The following ITGB8 variants were observed in gnomAD, a reference collection of about 807,000 sequenced individuals.
The protein encoded by ITGB8 is integrin subunit beta 8, also known as integrin beta-8.
In ITGB8, 30 loss-of-function variants were observed where a neutral mutation model predicts 89.5. The ratio of observed to expected loss-of-function variants is 0.34; its 90% CI spans 0.25 to 0.45. The LOEUF is 0.45. ITGB8 is among the 20% of genes least tolerant of loss of function. The pLI is 1.00. For synonymous variants in ITGB8, 335 were observed against 320.4 expected (o/e 1.05, Z -0.49); for missense variants, 836 against 933.3 (o/e 0.90, Z 1.36).
rs1784399704 is a variant in ITGB8 at position 20,331,665 on chromosome 7, C to G, written c.-142C>G. The G allele has an allele frequency of 3.8e-6, 4 of 1,046,384 alleles. No individual in the cohort carries two copies. Among genetic ancestry groups the G allele is most frequent in the African/African-American group, 1.7e-5 (1 of 58,952 alleles). The allele number at this position is 1,046,384 out of a possible 1,614,324, so 64.8% of individuals were successfully genotyped here. A position where few individuals can be genotyped will look rare whatever the true frequency, so the allele number is the denominator to read the frequency against. On this transcript the variant is annotated 5_prime_UTR_variant, in exon 1 of 14. Coordinates refer to ENST00000222573, the MANE Select transcript of ITGB8 (RefSeq NM_002214.3). ...GCCCGCTTACCTGCACCGCTTGCTC[C>G]GAGCCGCGGGGTCCGCCTGCTAGGC...
At chr7:20,347,383 T>C (rs1562655590) in intron 1 of ITGB8, among the ~76,000 whole-genome samples, 1 of 152,140 alleles carries the variant, frequency 6.6e-6, no homozygotes, top group African/African-American at 2.4e-5. Flanking sequence ...TAGTGGTAAA[T>C]GGTGTTTGTA....
At chr7:20,379,535 C>CA (rs1303178209) in intron 4 of ITGB8, 12 of 164,580 alleles carry the variant, frequency 7.3e-5, no homozygotes, top group Non-Finnish European at 1.2e-4. Context: ...CCAAAAAAAA[C>CA]AAAAAAACAA....
chr7:20,406,380 G>T (rs183009213), intron 12 of ITGB8, among the ~76,000 whole-genome samples: 1 of 152,042 alleles, frequency 6.6e-6, no homozygotes, highest in Non-Finnish European at 1.5e-5. Context: ...GTGAAACCCC[G>T]TCTCTACTAA....
chr7:20,363,864 T>C (rs1280159207), intron 2 of ITGB8, 142 bp downstream of exon 2: 3 of 456,486 alleles, frequency 6.6e-6, no homozygotes, highest in Non-Finnish European at 1.2e-5. Context: ...TTTGGTTTTA[T>C]GCTTGGAAAC....
chr7:20,340,042 A>C (rs1784703502), intron 1 of ITGB8, among the ~76,000 whole-genome samples: 2 of 152,204 alleles, frequency 1.3e-5, no homozygotes. Flanking sequence ...ATAAAATAAA[A>C]TATAAAAGTT....
chr7:20,409,433 G>A (rs781575599), intron 12 of ITGB8, among the ~76,000 whole-genome samples, 182 bp from the exon 13 acceptor site: 4 of 152,154 alleles, frequency 2.6e-5, no homozygotes, highest in Admixed American at 1.3e-4. Context: ...CATAGTAAAC[G>A]CGCAAGAAAA....
chr7:20,395,664 C>T (rs904888540), intron 8 of ITGB8, among the ~76,000 whole-genome samples: 4 of 152,188 alleles, frequency 2.6e-5, no homozygotes, highest in Admixed American at 6.5e-5. Context: ...ATAGTGACTG[C>T]TACTTTTTTA....
Position 20,413,575 on chromosome 7 carries a change from C to T in ITGB8, c.*3578C>T, listed in dbSNP as rs1787836708. ...ACTCTTCCCAAGAGATTTCCTAAAGCTTCAAGCTTAATAAGCCTAATAGTG... is the reference window on the plus strand; with the variant it reads ...ACTCTTCCCAAGAGATTTCCTAAAGTTTCAAGCTTAATAAGCCTAATAGTG... On this transcript the variant is annotated 3_prime_UTR_variant, in exon 14 of 14. Transcript: ENST00000222573. 1 of 152,248 alleles carries T rather than the reference C, an allele frequency of 6.6e-6. No homozygotes were observed. The highest frequency in any genetic ancestry group is 2.1e-4 in the South Asian group (1 of 4,830). The allele number at this position is 152,248 out of a possible 1,614,324, so 9.4% of individuals were successfully genotyped here.
At chr7:20,405,943 A>G in intron 11 of ITGB8, 119 bp from the exon 12 acceptor site, 2 of 629,464 alleles carry the variant, frequency 3.2e-6, no homozygotes, top group Non-Finnish European at 5.7e-6. Flanking sequence ...TCTAATGAAC[A>G]TAATCAAAAT....
chr7:20,381,965 G>T, intron 6 of ITGB8, 80 bp downstream of exon 6: 1 of 1,228,006 alleles, frequency 8.1e-7, no homozygotes, highest in Non-Finnish European at 1.1e-6. Flanking sequence ...AACTATTTTT[G>T]TACCAGGAAA....
chr7:20,366,908 T>TA, intron 2 of ITGB8, 104 bp from the exon 3 acceptor site: 1 of 749,872 alleles, frequency 1.3e-6, no homozygotes, highest in South Asian at 2.0e-5. Context: ...TAGAAGAAAT[T>TA]AAAATGATAT....
At chr7:20,381,421 C>G (rs1361695253) in intron 5 of ITGB8, 3 of 185,604 alleles carry the variant, frequency 1.6e-5, no homozygotes, top group Non-Finnish European at 3.3e-5. Context: ...CTCGGCCTCC[C>G]AAGGTGCTGG....
chr7:20,400,746 T>A (rs1460784948), intron 9 of ITGB8, among the ~76,000 whole-genome samples: 2 of 152,186 alleles, frequency 1.3e-5, no homozygotes, highest in African/African-American at 2.4e-5. Flanking sequence ...TTCTGGGCTA[T>A]CTTCTTCCAT....
Position 20,331,717 on chromosome 7 carries a change from G to C in ITGB8, c.-90G>C, listed in dbSNP as rs961795899. 89 of 1,429,644 alleles carry C rather than the reference G, an allele frequency of 6.2e-5. No homozygotes were observed. Among genetic ancestry groups the C allele is most frequent in the Admixed American group, 3.9e-4 (14 of 36,192 alleles). The allele number at this position is 1,429,644 out of a possible 1,614,324, so 88.6% of individuals were successfully genotyped here. Reference sequence around the variant, plus strand: ...TGCGGAAAACGTCCTAGCGACACTCGGCCCGCGGGCCCCGAGGTGCGCCCG... The same window carrying C: ...TGCGGAAAACGTCCTAGCGACACTCCGCCCGCGGGCCCCGAGGTGCGCCCG... On this transcript the variant is annotated 5_prime_UTR_variant, in exon 1 of 14. Transcript: ENST00000222573.
intron 3 of ITGB8, 59 bp from the exon 4 acceptor site, chr7:20,378,992 A>G: frequency 1.4e-6 from 2 of 1,393,054 alleles, no homozygotes; most frequent in Non-Finnish European, 1.9e-6. Flanking sequence ...ATTTATTAAG[A>G]GCTTATCCTG....
intron 6 of ITGB8, among the ~76,000 whole-genome samples, chr7:20,383,847 C>A (rs1483127703): frequency 6.6e-6 from 1 of 152,070 alleles, no homozygotes. Flanking sequence ...AAAGGAGTGA[C>A]CCTTCCACAT....
intron 1 of ITGB8, among the ~76,000 whole-genome samples, chr7:20,340,651 A>G (rs1174091396): frequency 6.6e-6 from 1 of 152,096 alleles, no homozygotes; most frequent in Non-Finnish European, 1.5e-5. Context: ...TTTCCTTGGA[A>G]TTGAACCACA....
At chr7:20,392,664 TC>T (rs1454446323) in intron 7 of ITGB8, among the ~76,000 whole-genome samples, 1 of 152,168 alleles carries the variant, frequency 6.6e-6, no homozygotes, top group Non-Finnish European at 1.5e-5. Context: ...TTTCTCATCA[TC>T]CACCCCACTC....
intron 1 of ITGB8, among the ~76,000 whole-genome samples, chr7:20,357,930 C>T (rs1442525317): frequency 6.6e-6 from 1 of 152,002 alleles, no homozygotes; most frequent in East Asian, 1.9e-4. Context: ...TCTGTCAAGG[C>T]AGGTTTTTTT....
Sources: gnomAD v4.1 joint callset for allele counts (sites outside exome capture counted in the v4.1 genomes callset) on GRCh38, gnomAD v4.1.1 for gene constraint, MANE v1.5 for transcripts, NCBI Gene and HGNC (gene_info 2026-07-23, HGNC 2026-07-21) for gene names.